Variants in KCMF1 observed in about 807,000 individuals in gnomAD.
KCMF1 encodes the protein E3 ubiquitin-protein ligase KCMF1.
KCMF1 carries 3 observed loss-of-function variants against 41.1 expected under a neutral mutation model. The observed-to-expected ratio is 0.07, with a 90% CI of 0.03 to 0.19. The LOEUF (loss-of-function observed/expected upper bound fraction) is 0.19, where lower values mean the gene tolerates loss of function less well. Among genes scored for constraint, KCMF1 ranks in the 10% least tolerant of loss-of-function variants. The pLI is 1.00. For missense variants in KCMF1, 286 were observed against 488.9 expected (o/e 0.58, Z 3.91); for synonymous variants, 142 against 164.5 (o/e 0.86, Z 1.04).
chr2:85,029,643 A>G (rs1345132451), intron 2 of KCMF1, among the ~76,000 whole-genome samples: 1 of 150,020 alleles, frequency 6.7e-6, no homozygotes, highest in Non-Finnish European at 1.5e-5. Context: ...ATTAGAAGAC[A>G]TTGTAAGAAA....
At chr2:85,019,198 A>T (rs1463331381) in intron 1 of KCMF1, among the ~76,000 whole-genome samples, 3 of 152,176 alleles carry the variant, frequency 2.0e-5, no homozygotes, top group African/African-American at 4.8e-5. Context: ...ACTATTGTTA[A>T]ACCAAGGGAC....
chr2:85,013,320 A>G (rs759282743), intron 1 of KCMF1, among the ~76,000 whole-genome samples: 6 of 152,298 alleles, frequency 3.9e-5, no homozygotes, highest in Non-Finnish European at 8.8e-5. Context: ...CCTCAGTACA[A>G]TGAGCTGTCA....
intron 5 of KCMF1, among the ~76,000 whole-genome samples, chr2:85,048,642 A>G (rs1378571835): frequency 6.6e-6 from 1 of 152,246 alleles, no homozygotes; most frequent in Non-Finnish European, 1.5e-5. Context: ...ATGCGGGGAC[A>G]AAAGTTTACA....
Position 85,057,643 on chromosome 2 carries a change from CGTTT to C in KCMF1, c.*4239_*4242del, listed in dbSNP as rs1165850795. The C allele has an allele frequency of 3.3e-5, 5 of 152,174 alleles. No individual in the cohort carries two copies. Among genetic ancestry groups the C allele is most frequent in the African/African-American group, 1.2e-4 (5 of 41,436 alleles). The allele number at this position is 152,174 out of a possible 1,614,324, so 9.4% of individuals were successfully genotyped here. A position where few individuals can be genotyped will look rare whatever the true frequency, so the allele number is the denominator to read the frequency against. On this transcript the variant is annotated 3_prime_UTR_variant, in exon 7 of 7. Transcript: ENST00000409785. Reference sequence around the variant, plus strand: ...ATCGGCTTCAACTGTGCTTACACAACGTTTGTTTCTAATTCGTACTCTTGCCTCT... The same window carrying C: ...ATCGGCTTCAACTGTGCTTACACAACGTTTCTAATTCGTACTCTTGCCTCT...
chr2:84,994,594 G>T (rs891602190), intron 1 of KCMF1, among the ~76,000 whole-genome samples: 4 of 151,780 alleles, frequency 2.6e-5, no homozygotes, highest in African/African-American at 9.7e-5. Context: ...GTAGAAACGG[G>T]GTTTCTCCAT....
chr2:85,049,717 C>T, intron 6 of KCMF1, 69 bp downstream of exon 6: 1 of 1,268,332 alleles, frequency 7.9e-7, no homozygotes, highest in Non-Finnish European at 1.1e-6. Flanking sequence ...CTGGAATTAT[C>T]TTTTCTCTTT....
intron 1 of KCMF1, among the ~76,000 whole-genome samples, chr2:84,988,398 A>G (rs573089063): frequency 8.2e-4 from 125 of 152,340 alleles, no homozygotes; most frequent in African/African-American, 2.9e-3. Context: ...GTACCAACTC[A>G]TTTAATTCTC....
chr2:84,984,972 A>G (rs1673864548), intron 1 of KCMF1, among the ~76,000 whole-genome samples: 1 of 152,126 alleles, frequency 6.6e-6, no homozygotes, highest in African/African-American at 2.4e-5. Context: ...AGCTTGAGCC[A>G]CCATGGCCGG....
intron 2 of KCMF1, among the ~76,000 whole-genome samples, chr2:85,034,173 A>C (rs1675352927): frequency 6.6e-6 from 1 of 152,128 alleles, no homozygotes; most frequent in Admixed American, 6.5e-5. Flanking sequence ...ACAGAGTAAG[A>C]CCTTGTCTCA....
intron 1 of KCMF1, among the ~76,000 whole-genome samples, chr2:84,973,825 C>CTTTTTTTTTTTTTTTTTTTTTTTTTT (rs1238178193): frequency 3.4e-4 from 38 of 110,270 alleles, no homozygotes; most frequent in Non-Finnish European, 4.7e-4. Flanking sequence ...TTATTTCTTT[C>CTTTTTTTTTTTTTTTTTTTTTTTTTT]TTTTTTTTTT....
At chr2:84,972,974 T>A (rs563941745) in intron 1 of KCMF1, among the ~76,000 whole-genome samples, 1 of 152,242 alleles carries the variant, frequency 6.6e-6, no homozygotes, top group East Asian at 1.9e-4. Context: ...CTTCGTCTGC[T>A]TAATCGAAAT....
At chr2:84,996,521 C>G (rs751693136) in intron 1 of KCMF1, among the ~76,000 whole-genome samples, 3 of 150,146 alleles carry the variant, frequency 2.0e-5, no homozygotes, top group Admixed American at 2.0e-4. Context: ...CTGGAACCTC[C>G]GCCTCCTGGG....
At chr2:85,048,255 T>TG (rs1003988056) in intron 5 of KCMF1, among the ~76,000 whole-genome samples, 1 of 152,206 alleles carries the variant, frequency 6.6e-6, no homozygotes, top group Non-Finnish European at 1.5e-5. Flanking sequence ...AAACTGAGTT[T>TG]GGGGGATTTA....
chr2:85,039,990 AT>A, intron 3 of KCMF1, among the ~76,000 whole-genome samples: 1 of 151,778 alleles, frequency 6.6e-6, no homozygotes, highest in South Asian at 2.1e-4. Context: ...TTTTTTTTGT[AT>A]TTTTAGTAGA....
At chr2:84,997,207 CT>C (rs1481465540) in intron 1 of KCMF1, among the ~76,000 whole-genome samples, 3 of 151,938 alleles carry the variant, frequency 2.0e-5, no homozygotes, top group Admixed American at 6.6e-5. Flanking sequence ...GTGGTGCTCA[CT>C]TTTTTTTCCC....
intron 1 of KCMF1, among the ~76,000 whole-genome samples, chr2:84,976,285 C>A (rs1419439800): frequency 6.6e-6 from 1 of 150,802 alleles, no homozygotes; most frequent in Non-Finnish European, 1.5e-5. Context: ...TGTCTCACTA[C>A]ATCCTCCACC....
chr2:85,034,907 C>CCACT (rs1675369878), intron 2 of KCMF1, 109 bp from the exon 3 acceptor site: 2 of 922,174 alleles, frequency 2.2e-6, no homozygotes, highest in East Asian at 5.5e-5. Context: ...CAGGCATGAA[C>CCACT]CACTGCTCCT....
intron 1 of KCMF1, among the ~76,000 whole-genome samples, chr2:85,014,530 C>A (rs142940903): frequency 6.6e-6 from 1 of 151,852 alleles, no homozygotes; most frequent in African/African-American, 2.4e-5. Flanking sequence ...AAAATCATCA[C>A]CTTCCCTTAA....
At chr2:85,024,137 G>A (rs1191653631) in intron 1 of KCMF1, among the ~76,000 whole-genome samples, 3 of 152,050 alleles carry the variant, frequency 2.0e-5, no homozygotes, top group African/African-American at 4.8e-5. Context: ...TGTACATATC[G>A]CCAGTTTCTG....
Sources: gnomAD v4.1 joint callset for allele counts (sites outside exome capture counted in the v4.1 genomes callset) on GRCh38, gnomAD v4.1.1 for gene constraint, MANE v1.5 for transcripts, NCBI Gene and HGNC (gene_info 2026-07-23, HGNC 2026-07-21) for gene names.